Variants in TMEM132D observed in about 807,000 individuals in gnomAD.
TMEM132D encodes transmembrane protein 132D, also known as mature OL transmembrane protein.
TMEM132D carries 21 observed loss-of-function variants against 62.3 expected under a neutral mutation model. The observed-to-expected ratio is 0.34, with a 90% confidence interval of 0.24 to 0.49. The LOEUF (loss-of-function observed/expected upper bound fraction) is 0.49, where lower values mean the gene tolerates loss of function less well. Among genes scored for constraint, TMEM132D ranks in the 20% least tolerant of loss-of-function variants. TMEM132D has a pLI of 0.99. For missense variants in TMEM132D, 1,346 were observed against 1,402.8 expected (o/e 0.96, Z 0.65); for synonymous variants, 621 against 575.6 (o/e 1.08, Z -1.13).
At chr12:129,206,705 A>G (rs1878857599) in intron 5 of TMEM132D, among the ~76,000 whole-genome samples, 1 of 152,214 alleles carries the variant, frequency 6.6e-6, no homozygotes, top group Non-Finnish European at 1.5e-5. Flanking sequence ...ATTAACCTAA[A>G]TGGCCATCAG....
rs1874102447 is a variant in TMEM132D at position 129,867,719 on chromosome 12, T to A, written c.79+35542A>T. 6.6e-6 allele frequency among the ~76,000 whole-genome samples: 1 copy of A among 152,242 alleles called. No homozygotes were observed. The highest frequency in any genetic ancestry group is 2.4e-5 in the African/African-American group (1 of 41,464). ...ATACATACAGCAAATCATCAAATTG[T>A]ACATCTTCAATAGATACAATTTTTG... On this transcript the variant is annotated intron_variant, in intron 1 of 8. Coordinates refer to ENST00000422113, the MANE Select transcript of TMEM132D (RefSeq NM_133448.3). This position sits in a 1 kb window ranked among gnomAD's most constrained non-coding sequence, Gnocchi z 4.5.
At chr12:129,208,504 T>G (rs545876890) in intron 5 of TMEM132D, 2 of 152,288 alleles carry the variant, frequency 1.3e-5, no homozygotes, top group African/African-American at 4.8e-5. Context: ...GAACAGTACC[T>G]AGCACTTAGT....
At chr12:129,716,564 G>A (rs931615691) in intron 1 of TMEM132D, among the ~76,000 whole-genome samples, 1 of 152,184 alleles carries the variant, frequency 6.6e-6, no homozygotes, top group African/African-American at 2.4e-5. Context: ...TCCTAAGAGT[G>A]GTGTGGTAGG....
intron 4 of TMEM132D, among the ~76,000 whole-genome samples, chr12:129,261,285 T>C (rs1880544115): frequency 6.6e-6 from 1 of 152,196 alleles, no homozygotes; most frequent in South Asian, 2.1e-4. Flanking sequence ...TCACATGTCA[T>C]GGGAGGGACC....
intron 3 of TMEM132D, among the ~76,000 whole-genome samples, chr12:129,481,016 C>T (rs1279076386): frequency 6.6e-6 from 1 of 152,146 alleles, no homozygotes; most frequent in African/African-American, 2.4e-5. Context: ...CTAGAAGCAA[C>T]TAACCTGAAA....
chr12:129,545,910 C>G (rs1196937741), intron 2 of TMEM132D, among the ~76,000 whole-genome samples: 2 of 152,066 alleles, frequency 1.3e-5, no homozygotes, highest in African/African-American at 4.8e-5. Flanking sequence ...AGCAAGAGGA[C>G]CAGGAATATG....
intron 3 of TMEM132D, among the ~76,000 whole-genome samples, chr12:129,412,408 T>C (rs1015490197): frequency 2.0e-5 from 3 of 152,218 alleles, no homozygotes; most frequent in Non-Finnish European, 4.4e-5. Context: ...AAACAACAAG[T>C]GCCCTCTTTA....
chr12:129,811,346 C>T (rs556961901), intron 1 of TMEM132D, among the ~76,000 whole-genome samples: 1 of 151,756 alleles, frequency 6.6e-6, no homozygotes, highest in African/African-American at 2.4e-5. Flanking sequence ...ACCCAGCAGA[C>T]TTCATCCTGC....
intron 4 of TMEM132D, among the ~76,000 whole-genome samples, chr12:129,235,870 A>T (rs1252473514): frequency 1.3e-5 from 2 of 152,140 alleles, no homozygotes; most frequent in African/African-American, 2.4e-5. Context: ...ATTAAAAAAA[A>T]CATTTCTATG....
intron 4 of TMEM132D, among the ~76,000 whole-genome samples, chr12:129,218,205 C>G (rs1039154169): frequency 3.3e-5 from 5 of 152,204 alleles, no homozygotes; most frequent in Admixed American, 1.3e-4. Flanking sequence ...GAGAGAGCCC[C>G]TATTCTTGCA....
chr12:129,125,000 GAAGA>G lies in TMEM132D; in HGVS notation c.1444-40302_1444-40299del, dbSNP rs1876172486. 4.6e-5 allele frequency among the ~76,000 whole-genome samples: 7 copies of G among 152,264 alleles called. No homozygotes were observed. In the South Asian group the frequency reaches 1.5e-3, roughly 32 times the overall value. On this transcript the variant is annotated intron_variant, in intron 5 of 8. Transcript: ENST00000422113. ...CTGCCTCTGTAACTAATCCTAAGAG[GAAGA>G]CCTGAAGAGATGGCATATTTACCTT...
intron 3 of TMEM132D, among the ~76,000 whole-genome samples, chr12:129,431,175 C>T (rs1431735130): frequency 6.6e-6 from 1 of 152,226 alleles, no homozygotes; most frequent in Non-Finnish European, 1.5e-5. Context: ...ACAAGTAGCC[C>T]TTGAGGTAGC....
chr12:129,512,105 T>C (rs1369412825), intron 3 of TMEM132D, among the ~76,000 whole-genome samples: 1 of 152,196 alleles, frequency 6.6e-6, no homozygotes, highest in East Asian at 1.9e-4. Context: ...AAATGGTAGC[T>C]ACTCAAATAA....
At chr12:129,088,031 G>A (rs1247683117) in intron 5 of TMEM132D, among the ~76,000 whole-genome samples, 1 of 54,866 alleles carries the variant, frequency 1.8e-5, no homozygotes, top group African/African-American at 5.6e-5. Context: ...CTCCATGACC[G>A]GGGTGTCCTC....
intron 3 of TMEM132D, among the ~76,000 whole-genome samples, chr12:129,368,245 A>ATGTG (rs34221350): frequency 0.23 from 35,411 of 151,224 alleles, 4,197 homozygotes; most frequent in Non-Finnish European, 0.26. Flanking sequence ...CATATGCAAA[A>ATGTG]TGTGTGTGTG....
rs181416131 is a variant in TMEM132D at position 129,773,069 on chromosome 12, G to T, written c.80-72371C>A. On this transcript the variant is annotated intron_variant, in intron 1 of 8. Transcript: ENST00000422113. ...AACAAACAAGGGGGAAATACAGGCT[G>T]CTTTTCTGGGCAGCAGCCACTCCTG... Among the ~76,000 whole-genome samples the T allele has an allele frequency of 4.7e-3, 717 of 152,334 alleles. 9 individuals are homozygous for T. The highest frequency in any genetic ancestry group is 0.016 in the African/African-American group (666 of 41,592).
rs567652470 is a variant in TMEM132D, at chr12:129,861,169, C to T, written c.79+42092G>A. Among the ~76,000 whole-genome samples the T allele has an allele frequency of 1.2e-4, 18 of 152,300 alleles. No homozygotes were observed. The East Asian group carries it at 3.5e-3, about 29-fold the overall frequency. ...TGGAATGAAATGAAAAATGCTCTGC[C>T]TTGCAGAGTTGAAACCACTTTTGCA... On this transcript the variant is annotated intron_variant, in intron 1 of 8. Coordinates refer to ENST00000422113, the MANE Select transcript of TMEM132D (RefSeq NM_133448.3).
chr12:129,455,313 C>G (rs1873432148), intron 3 of TMEM132D, among the ~76,000 whole-genome samples: 1 of 152,204 alleles, frequency 6.6e-6, no homozygotes, highest in Non-Finnish European at 1.5e-5. Context: ...GCTTTGCATC[C>G]TTGGACAAGG....
chr12:129,337,487 T>C (rs1455478346), intron 4 of TMEM132D, 147 bp downstream of exon 4: 4 of 758,090 alleles, frequency 5.3e-6, no homozygotes, highest in South Asian at 3.6e-5. Flanking sequence ...CGATTGGCTA[T>C]TGGCAGTCAA....
Sources: allele counts gnomAD v4.1 joint callset (sites outside exome capture counted in the v4.1 genomes callset), GRCh38; gene constraint gnomAD v4.1.1; non-coding constraint Gnocchi (gnomAD v3.1); transcripts MANE v1.5; gene names NCBI Gene and HGNC (gene_info 2026-07-23, HGNC 2026-07-21).